The following PKHD1L1 variants were observed in gnomAD, a reference collection of about 807,000 sequenced individuals.
The protein encoded by PKHD1L1 is PKHD1 like 1, also known as fibrocystin-L.
Under a neutral mutation model 462.9 loss-of-function variants are expected in PKHD1L1, and 434 were observed. That is an observed-to-expected ratio of 0.94 (90% CI 0.87 to 1.02). PKHD1L1 has a LOEUF of 1.02. PKHD1L1 is among the 50% of genes least tolerant of loss of function. The probability of loss-of-function intolerance (pLI) is 0.00; values close to 1 mark genes in which losing one functional copy is unlikely to be tolerated. For synonymous variants in PKHD1L1, 1,781 were observed against 1,750.0 expected (o/e 1.02, Z -0.44); for missense variants, 5,202 against 5,096.1 (o/e 1.02, Z -0.63).
rs369705820 is a variant in PKHD1L1 at position 109,519,818 on chromosome 8, G to A, written c.12031+1310G>A. Among the ~76,000 whole-genome samples the A allele has an allele frequency of 5.7e-4, 87 of 152,124 alleles. No homozygotes were observed. In the South Asian group the frequency reaches 6.4e-3, roughly 11 times the overall value. ...CTGCATTCCTTTTCCTAAAGAGATCGTCCAGACATATATAAACTGCAGCCC... is the reference window on the plus strand; with the variant it reads ...CTGCATTCCTTTTCCTAAAGAGATCATCCAGACATATATAAACTGCAGCCC... On this transcript the variant is annotated intron_variant, in intron 73 of 77. Coordinates refer to ENST00000378402, the MANE Select transcript of PKHD1L1 (RefSeq NM_177531.6).
rs1221397929 is a variant in PKHD1L1, at chr8:109,444,866, CA to C, written c.5000del (p.Asn1667MetfsTer8). 6.2e-7 allele frequency: 1 copy of C among 1,613,798 alleles called. No homozygotes were observed. The highest frequency in any genetic ancestry group is 8.5e-7 in the Non-Finnish European group (1 of 1,179,900). On this transcript the variant is annotated frameshift_variant, in exon 38 of 78. Coordinates refer to ENST00000378402, the MANE Select transcript of PKHD1L1 (RefSeq NM_177531.6). LOFTEE classifies it high-confidence loss of function. ...VLLPNIDLVL[P>X]NAGSTTGMTS... is the part of the protein sequence containing the mutation. ...TTGCCAAACATTGACCTGGTGTTGCCAAATGCAGGATCAACTACAGGAATGA... is the reference window on the plus strand; with the variant it reads ...TTGCCAAACATTGACCTGGTGTTGCCAATGCAGGATCAACTACAGGAATGA...
At chr8:109,528,533 A>T (rs1673386) in intron 77 of PKHD1L1, among the ~76,000 whole-genome samples, 28,736 of 152,106 alleles carry the variant, frequency 0.19, 3,061 homozygotes, top group East Asian at 0.33. Flanking sequence ...CCCTATATCT[A>T]TACCTAGGCT....
At chr8:109,430,444 A>G (rs1165001890) in intron 27 of PKHD1L1, among the ~76,000 whole-genome samples, 1 of 152,188 alleles carries the variant, frequency 6.6e-6, no homozygotes, top group Non-Finnish European at 1.5e-5. Context: ...AAAGGCTAGT[A>G]ACAAGACATC....
chr8:109,531,912 T>G lies in PKHD1L1; in HGVS notation c.*1822T>G, dbSNP rs958982357. ...GCCATTTCACGCTGAGACTTAAAAA[T>G]CAGTCTTCCTAAGGCAAATCTAGTT... On this transcript the variant is annotated 3_prime_UTR_variant, in exon 78 of 78. Coordinates refer to ENST00000378402, the MANE Select transcript of PKHD1L1 (RefSeq NM_177531.6). Among the ~76,000 whole-genome samples, 3 of 152,192 alleles carry G rather than the reference T, an allele frequency of 2.0e-5. No individual in the cohort carries two copies. Among genetic ancestry groups the G allele is most frequent in the African/African-American group, 7.2e-5 (3 of 41,442 alleles).
At chr8:109,492,980 G>A (rs1484914777) in intron 62 of PKHD1L1, among the ~76,000 whole-genome samples, 1 of 151,560 alleles carries the variant, frequency 6.6e-6, no homozygotes, top group East Asian at 1.9e-4. Context: ...TGTCTCCACT[G>A]AATCTTATGA....
chr8:109,504,192 A>G (rs2130964126), intron 67 of PKHD1L1, 135 bp from the exon 68 acceptor site: 1 of 514,074 alleles, frequency 1.9e-6, no homozygotes, highest in East Asian at 3.6e-5. Context: ...ATAGTGGTAG[A>G]CTTATTTACC....
rs1820835688 is a variant in PKHD1L1 at position 109,526,765 on chromosome 8, T to G, written c.12485-19T>G. 2.0e-6 allele frequency: 3 copies of G among 1,533,972 alleles called. No individual in the cohort carries two copies. Among genetic ancestry groups the G allele is most frequent in the African/African-American group, 2.8e-5 (2 of 72,564 alleles). On this transcript the variant is annotated intron_variant, in intron 76 of 77. Coordinates refer to ENST00000378402, the MANE Select transcript of PKHD1L1 (RefSeq NM_177531.6). ...AAAACATAAAGGAAATCAAACACTATGATGCTTTTTTTTTCCAGGAAAAAA... is the reference window on the plus strand; with the variant it reads ...AAAACATAAAGGAAATCAAACACTAGGATGCTTTTTTTTTCCAGGAAAAAA...
At chr8:109,456,992 T>G (rs1313565261) in intron 46 of PKHD1L1, among the ~76,000 whole-genome samples, 1 of 152,176 alleles carries the variant, frequency 6.6e-6, no homozygotes, top group East Asian at 1.9e-4. Flanking sequence ...TAATTTCTGT[T>G]TAATTACATT....
At position 109,404,605 on chromosome 8, in the gene PKHD1L1, T is replaced by G. The variant is rs1228076425; in HGVS notation, c.1425T>G (p.Asp475Glu). ...AGTACAGATTAAGTGCATTTGTTGA[T>G]GTTGGACTGTACCAGTATCGAAATG... ...LQEYRLSAFV[D>E]VGLYQYRNVY... The change falls in exon 15 of 78, where the codon GAT becomes GAG. Residue 475 changes from aspartate to glutamate, a missense_variant. Asp to Glu is a conservative substitution (Grantham distance 45). This residue lies in a region of PKHD1L1 where 4,497 missense variants were observed against 4,336.8 expected (regional missense o/e 1.04). Transcript: ENST00000378402. 3.1e-6 allele frequency: 5 copies of G among 1,604,358 alleles called. No homozygotes were observed. In the African/African-American group the frequency reaches 4.0e-5, roughly 13 times the overall value.
rs747502126 is a variant in PKHD1L1 at position 109,480,021 on chromosome 8, C to T, written c.9209C>T (p.Pro3070Leu). Residue 3070 changes from proline to leucine, a missense_variant, in exon 55 of 78, where the codon CCA (proline) becomes CTA (leucine). By Grantham distance (98) the Pro-to-Leu change is moderately conservative. Transcript: ENST00000378402. ...GTWIVADIDMPSMERLIIWGV... is the reference protein window; with the variant it reads ...GTWIVADIDMLSMERLIIWGV... ...TGGATTGTAGCTGACATAGATATGC[C>T]ATCAATGGAAAGACTCATTATTTGG... 6 of 1,591,144 alleles carry T rather than the reference C, an allele frequency of 3.8e-6. No individual in the cohort carries two copies. The highest frequency in any genetic ancestry group is 1.7e-4 in the Middle Eastern group (1 of 5,994).
At chr8:109,496,273 G>A (rs1365183781) in intron 63 of PKHD1L1, among the ~76,000 whole-genome samples, 1 of 152,128 alleles carries the variant, frequency 6.6e-6, no homozygotes, top group African/African-American at 2.4e-5. Context: ...AATATCAAGT[G>A]AAAGGAATTT....
chr8:109,454,985 A>G, intron 45 of PKHD1L1, 133 bp downstream of exon 45: 1 of 1,212,896 alleles, frequency 8.2e-7, no homozygotes, highest in East Asian at 2.6e-5. Context: ...GTCTTTAGAT[A>G]TCCCCTCTTT....
At position 109,445,117 on chromosome 8, in the gene PKHD1L1, T is replaced by C; in HGVS notation, c.5248T>C (p.Tyr1750His). The C allele has an allele frequency of 6.2e-7, 1 of 1,613,962 alleles. No homozygotes were observed. Among genetic ancestry groups the C allele is most frequent in the African/African-American group, 1.3e-5 (1 of 75,054 alleles). ...TTCATACTTAGAAAGCATCACTCCTTACATAACAGGAGTCTTCCCAAACTC... is the reference window on the plus strand; with the variant it reads ...TTCATACTTAGAAAGCATCACTCCTCACATAACAGGAGTCTTCCCAAACTC... ...TFSYLESITP[Y>H]ITGVFPNSVI... The change falls in exon 38 of 78, where the codon TAC becomes CAC. Residue 1750 changes from tyrosine to histidine, a missense_variant. By Grantham distance (83) the Tyr-to-His change is moderately conservative. Coordinates refer to ENST00000378402, the MANE Select transcript of PKHD1L1 (RefSeq NM_177531.6).
chr8:109,522,683 G>T (rs1820609390), intron 74 of PKHD1L1, 61 bp from the exon 75 acceptor site: 3 of 1,461,394 alleles, frequency 2.1e-6, no homozygotes, highest in Admixed American at 5.1e-5. Flanking sequence ...TGGCTAAAAT[G>T]AGTTTGCTGC....
chr8:109,472,425 A>C (rs950391350), intron 50 of PKHD1L1, among the ~76,000 whole-genome samples: 16 of 152,106 alleles, frequency 1.1e-4, no homozygotes, highest in Non-Finnish European at 1.6e-4. Flanking sequence ...TTTTTGATTC[A>C]GGGAATCTGG....
At position 109,507,678 on chromosome 8, in the gene PKHD1L1, T is replaced by C. The variant is rs1229318698; in HGVS notation, c.11010T>C (p.Ser3670=). The change falls in exon 69 of 78, where the codon TCT becomes TCC. Residue 3670 remains serine (S), a synonymous_variant. Coordinates refer to ENST00000378402, the MANE Select transcript of PKHD1L1 (RefSeq NM_177531.6). ...HRPDISKVNP[S]DCVDMVCDAK... ...TTCTCCACAGTAAGGTCAATCCATC[T>C]GATTGTGTAGACATGGTTTGTGATG... is the stretch of plus-strand genomic sequence containing the variant. 6.2e-7 allele frequency: 1 copy of C among 1,613,146 alleles called. No individual in the cohort carries two copies. Among genetic ancestry groups the C allele is most frequent in the Non-Finnish European group, 8.5e-7 (1 of 1,179,344 alleles).
rs770276066 is a variant in PKHD1L1 at position 109,384,126 on chromosome 8, A to G, written c.474A>G (p.Pro158=). ...GCATCACACCTTTATCTGGAACTCC[A>G]GGTCTGTTATATGACATCTGAAATA... ...IRSITPLSGT[P]GTLITIQGRI... is the part of the protein sequence containing the mutation. Residue 158 remains proline, a splice_region_variant and synonymous_variant, in exon 5 of 78, where the codon CCA becomes CCG. Coordinates refer to ENST00000378402, the MANE Select transcript of PKHD1L1 (RefSeq NM_177531.6). 1.9e-6 allele frequency: 3 copies of G among 1,607,428 alleles called. No homozygotes were observed. The East Asian group carries it at 6.7e-5, about 36-fold the overall frequency.
intron 2 of PKHD1L1, among the ~76,000 whole-genome samples, chr8:109,365,611 A>G (rs1811189347): frequency 6.6e-6 from 1 of 152,158 alleles, no homozygotes; most frequent in South Asian, 2.1e-4. Flanking sequence ...AATTGCTGAT[A>G]AGATGGTATG....
chr8:109,429,553 T>A, intron 26 of PKHD1L1, 91 bp downstream of exon 26: 5 of 1,201,444 alleles, frequency 4.2e-6, no homozygotes, highest in Admixed American at 2.6e-5. Flanking sequence ...AACAGGAGGT[T>A]TGACTTCTGT....
Sources: gnomAD v4.1 joint callset for allele counts (sites outside exome capture counted in the v4.1 genomes callset) on GRCh38, gnomAD v4.1.1 for gene constraint, gnomAD v4.1.1 regional missense constraint, MANE v1.5 for transcripts, NCBI Gene and HGNC (gene_info 2026-07-23, HGNC 2026-07-21) for gene names.